Variants in PLXNA4 observed in about 807,000 individuals in gnomAD.
PLXNA4 encodes plexin-A4.
Under a neutral mutation model 191.8 loss-of-function variants are expected in PLXNA4, and 44 were observed. The ratio of observed to expected loss-of-function variants is 0.23; its 90% confidence interval spans 0.18 to 0.29. The LOEUF is 0.29. PLXNA4 is among the 10% of genes least tolerant of loss of function. The probability of loss-of-function intolerance (pLI) is 1.00; values close to 1 mark genes in which losing one functional copy is unlikely to be tolerated. For missense variants in PLXNA4, 1,800 were observed against 2,488.8 expected (o/e 0.72, Z 5.89); for synonymous variants, 1,082 against 1,009.5 (o/e 1.07, Z -1.36).
chr7:132,437,000 C>G (rs147212690), intron 3 of PLXNA4, among the ~76,000 whole-genome samples: 165 of 152,352 alleles, frequency 1.1e-3, no homozygotes, highest in Admixed American at 3.2e-3. Flanking sequence ...CAATGCCCTA[C>G]AGATGCTCCA....
intron 5 of PLXNA4, among the ~76,000 whole-genome samples, chr7:132,233,901 G>GT (rs1030343490): frequency 6.9e-6 from 1 of 144,570 alleles, no homozygotes; most frequent in African/African-American, 2.6e-5. Context: ...GTAAATGTTC[G>GT]TTTTTTTCCA....
chr7:132,364,380 G>C (rs1307813334), intron 3 of PLXNA4, among the ~76,000 whole-genome samples: 1 of 152,216 alleles, frequency 6.6e-6, no homozygotes, highest in Non-Finnish European at 1.5e-5. Flanking sequence ...CGAGATCAGA[G>C]CTAGCCTGCC....
chr7:132,352,552 G>T (rs1453862988), intron 3 of PLXNA4, among the ~76,000 whole-genome samples: 1 of 152,150 alleles, frequency 6.6e-6, no homozygotes, highest in African/African-American at 2.4e-5. Context: ...CCCATCCCCT[G>T]CCTGGTCAAT....
chr7:132,148,690 T>G, intron 25 of PLXNA4, 44 bp from the exon 26 acceptor site: 1 of 1,612,976 alleles, frequency 6.2e-7, no homozygotes, highest in Non-Finnish European at 8.5e-7. Flanking sequence ...CTATGACCCC[T>G]CTTGTGGGGA....
intron 4 of PLXNA4, among the ~76,000 whole-genome samples, chr7:132,265,083 G>A (rs927757107): frequency 1.3e-5 from 2 of 152,180 alleles, no homozygotes; most frequent in African/African-American, 4.8e-5. Flanking sequence ...AACAAGCAAT[G>A]GCAGGCCACA....
At chr7:132,241,250 C>G in intron 4 of PLXNA4, 84 bp from the exon 5 acceptor site, 3 of 883,736 alleles carry the variant, frequency 3.4e-6, no homozygotes, top group Non-Finnish European at 5.1e-6. Context: ...CTCTAAATAT[C>G]AAGTGTATCA....
At chr7:132,153,174 G>A (rs760218059) in intron 25 of PLXNA4, among the ~76,000 whole-genome samples, 6 of 152,174 alleles carry the variant, frequency 3.9e-5, no homozygotes, top group Non-Finnish European at 8.8e-5. Context: ...ATGAGTAGGC[G>A]TTCACTGGCT....
chr7:132,519,199 C>T (rs1029963551), intron 1 of PLXNA4, among the ~76,000 whole-genome samples: 1 of 152,184 alleles, frequency 6.6e-6, no homozygotes, highest in East Asian at 1.9e-4. Context: ...GTCAGATGCC[C>T]CAGCTGGAGT....
At chr7:132,626,590 C>T (rs936478110) in intron 2 of PLXNA4, among the ~76,000 whole-genome samples, 8 of 152,208 alleles carry the variant, frequency 5.3e-5, no homozygotes, top group Non-Finnish European at 7.3e-5. Flanking sequence ...TGCTCCTGCT[C>T]CGGCCATGTA....
At chr7:132,292,489 G>A (rs1475631969) in intron 4 of PLXNA4, among the ~76,000 whole-genome samples, 1 of 152,200 alleles carries the variant, frequency 6.6e-6, no homozygotes, top group East Asian at 1.9e-4. Context: ...TCAGAATCCT[G>A]CCATCTCTAT....
chr7:132,134,294 A>G (rs1165315859), intron 30 of PLXNA4, among the ~76,000 whole-genome samples: 8 of 152,082 alleles, frequency 5.3e-5, no homozygotes, highest in African/African-American at 1.9e-4. Flanking sequence ...CACTTCTCCA[A>G]CCAGGACCCT....
intron 3 of PLXNA4, among the ~76,000 whole-genome samples, chr7:132,359,506 C>T (rs951084098): frequency 2.6e-5 from 4 of 152,082 alleles, no homozygotes; most frequent in Admixed American, 6.6e-5. Context: ...CATGAGCTAC[C>T]GTGCCTGGCT....
intron 2 of PLXNA4, among the ~76,000 whole-genome samples, chr7:132,498,450 C>T (rs938082349): frequency 1.3e-5 from 2 of 151,962 alleles, no homozygotes; most frequent in Non-Finnish European, 2.9e-5. Context: ...GGGAAACACC[C>T]CCTTATAATA....
At chr7:132,368,261 T>A (rs1804276162) in intron 3 of PLXNA4, among the ~76,000 whole-genome samples, 1 of 152,030 alleles carries the variant, frequency 6.6e-6, no homozygotes, top group Non-Finnish European at 1.5e-5. Context: ...AGTATTCTAT[T>A]CTGCTTAGTG....
intron 3 of PLXNA4, among the ~76,000 whole-genome samples, chr7:132,335,152 G>A (rs909069450): frequency 1.3e-5 from 2 of 152,088 alleles, no homozygotes; most frequent in South Asian, 2.1e-4. Flanking sequence ...CTATTGTTTA[G>A]TGACTCCCAA....
chr7:132,312,780 A>T lies in PLXNA4; in HGVS notation c.1372-14558T>A, dbSNP rs117614779. ...GATGCAGATAATAACAGTACCTACC[A>T]CAATCAGTTGACGTGAAGATTTAAT... On this transcript the variant is annotated intron_variant, in intron 3 of 31. Transcript: ENST00000321063. 3.9e-3 allele frequency among the ~76,000 whole-genome samples: 588 copies of T among 152,274 alleles called. 5 individuals carry two copies. In the East Asian group the frequency reaches 0.052, roughly 13 times the overall value.
chr7:132,293,684 A>G (rs1800974349), intron 4 of PLXNA4, among the ~76,000 whole-genome samples: 1 of 152,236 alleles, frequency 6.6e-6, no homozygotes, highest in Non-Finnish European at 1.5e-5. Context: ...CATAAAGCAC[A>G]CATTTTCTAC....
chr7:132,157,214 C>T (rs1008877024), intron 25 of PLXNA4, among the ~76,000 whole-genome samples: 2 of 152,206 alleles, frequency 1.3e-5, no homozygotes, highest in African/African-American at 4.8e-5. Context: ...AGCGGGTAGC[C>T]TTTCTCTGGC....
intron 3 of PLXNA4, chr7:132,352,400 AG>A (rs1803528615): frequency 6.6e-6 from 1 of 152,256 alleles, no homozygotes; most frequent in African/African-American, 2.4e-5. Flanking sequence ...AGCCCCAGGG[AG>A]GGAGGCCAGC....
Sources: gnomAD v4.1 joint callset for allele counts (sites outside exome capture counted in the v4.1 genomes callset) on GRCh38, gnomAD v4.1.1 for gene constraint, MANE v1.5 for transcripts, NCBI Gene and HGNC (gene_info 2026-07-23, HGNC 2026-07-21) for gene names.